TFCP2L1: variants seen among roughly 807,000 people sequenced by gnomAD.
TFCP2L1 encodes transcription factor CP2 like 1.
A neutral mutation model predicts 72.2 loss-of-function variants in TFCP2L1; 12 were observed. The observed-to-expected ratio is 0.17, with a 90% CI of 0.11 to 0.27. TFCP2L1 has a LOEUF of 0.27. Ranked by LOEUF, TFCP2L1 falls within the 10% of genes least tolerant of loss-of-function variation. TFCP2L1 has a pLI of 1.00. For missense variants in TFCP2L1, 488 were observed against 624.6 expected (o/e 0.78, Z 2.33); for synonymous variants, 260 against 251.0 (o/e 1.04, Z -0.34).
chr2:121,269,907 T>TCAAAAAAAAAAAA lies in TFCP2L1; in HGVS notation c.214+11212_214+11213insTTTTTTTTTTTTG, dbSNP rs750107740. On this transcript the variant is annotated intron_variant, in intron 2 of 14. Coordinates refer to ENST00000263707, the MANE Select transcript of TFCP2L1 (RefSeq NM_014553.3). The stretch of plus-strand genomic sequence containing the variant: ...CTGGGTGACAGAGCAAGACTCCATC[T>TCAAAAAAAAAAAA]AAAAAAAAAAAATATATATATATAT... Among the ~76,000 whole-genome samples the TCAAAAAAAAAAAA allele has an allele frequency of 2.5e-3, 195 of 77,096 alleles. 4 individuals carry two copies. Among genetic ancestry groups the TCAAAAAAAAAAAA allele is most frequent in the African/African-American group, 8.4e-3 (122 of 14,600 alleles). The allele number at this position is 77,096 out of a possible 152,430, so 50.6% of individuals were successfully genotyped here. A position where few individuals can be genotyped will look rare whatever the true frequency, so the allele number is the denominator to read the frequency against.
chr2:121,262,486 T>C (rs1056314303), intron 2 of TFCP2L1, among the ~76,000 whole-genome samples: 13 of 151,716 alleles, frequency 8.6e-5, no homozygotes, highest in African/African-American at 3.1e-4. Flanking sequence ...CAAAATAAAA[T>C]AATAATAAAG....
At chr2:121,271,104 C>T (rs1573393702) in intron 2 of TFCP2L1, among the ~76,000 whole-genome samples, 3 of 150,300 alleles carry the variant, frequency 2.0e-5, no homozygotes, top group African/African-American at 4.9e-5. Context: ...GCAGGAGAAT[C>T]GCTTGAACCT....
rs891739618 is a variant in TFCP2L1 at position 121,280,582 on chromosome 2, AC to A, written c.214+537del. 9.2e-5 allele frequency among the ~76,000 whole-genome samples: 14 copies of A among 151,396 alleles called. No individual in the cohort carries two copies. In the South Asian group the frequency reaches 2.5e-3, roughly 27 times the overall value. On this transcript the variant is annotated intron_variant, in intron 2 of 14. Transcript: ENST00000263707. ...AGACCAGCCTGGGCAACATAGTGAG[AC>A]CCCCCCAGCTCTACAAAAAATTTAA...
intron 2 of TFCP2L1, among the ~76,000 whole-genome samples, chr2:121,259,370 G>A (rs2953080): frequency 0.47 from 71,852 of 151,688 alleles, 19,012 homozygotes; most frequent in East Asian, 0.73. Context: ...TATCCATATC[G>A]ATAGCTATCC....
At chr2:121,236,881 G>A (rs1242485864) in intron 10 of TFCP2L1, among the ~76,000 whole-genome samples, 2 of 152,146 alleles carry the variant, frequency 1.3e-5, no homozygotes, top group East Asian at 1.9e-4. Context: ...CACAAGTCAC[G>A]CTGCACCGAA....
At chr2:121,266,218 G>A (rs1420471781) in intron 2 of TFCP2L1, among the ~76,000 whole-genome samples, 3 of 149,978 alleles carry the variant, frequency 2.0e-5, no homozygotes, top group Non-Finnish European at 4.4e-5. Flanking sequence ...CCTGAAACCC[G>A]ACTCAGGATC....
intron 6 of TFCP2L1, among the ~76,000 whole-genome samples, chr2:121,243,847 G>A (rs1686428888): frequency 6.6e-6 from 1 of 152,066 alleles, no homozygotes; most frequent in South Asian, 2.1e-4. Context: ...AATAATAACA[G>A]AAATAAAGTG....
intron 2 of TFCP2L1, among the ~76,000 whole-genome samples, chr2:121,268,691 G>C (rs1558743710): frequency 6.6e-6 from 1 of 151,622 alleles, no homozygotes; most frequent in Non-Finnish European, 1.5e-5. Context: ...TGGGAGCTGG[G>C]TACATCCAAC....
At chr2:121,282,003 G>A (rs1687273688) in intron 1 of TFCP2L1, among the ~76,000 whole-genome samples, 1 of 151,976 alleles carries the variant, frequency 6.6e-6, no homozygotes, top group Non-Finnish European at 1.5e-5. Context: ...CGTGATCTCG[G>A]CTCACTACAA....
intron 2 of TFCP2L1, among the ~76,000 whole-genome samples, chr2:121,268,182 C>A (rs886788607): frequency 6.6e-6 from 1 of 152,158 alleles, no homozygotes; most frequent in African/African-American, 2.4e-5. Context: ...ATTAGTTTAG[C>A]CTGAGATTCA....
intron 1 of TFCP2L1, 88 bp downstream of exon 1, chr2:121,284,960 G>A (rs1687337606): frequency 1.6e-6 from 2 of 1,222,594 alleles, no homozygotes; most frequent in African/African-American, 1.6e-5. Flanking sequence ...GGCCCAGCAG[G>A]GGCGCCCCCT....
chr2:121,281,671 C>T (rs1446651247), intron 1 of TFCP2L1, among the ~76,000 whole-genome samples: 2 of 152,132 alleles, frequency 1.3e-5, no homozygotes, highest in African/African-American at 4.8e-5. Flanking sequence ...AAAATCTAAA[C>T]AAACATTTTT....
Position 121,249,600 on chromosome 2 carries a change from A to C in TFCP2L1, c.262T>G (p.Phe88Val). Residue 88 changes from phenylalanine to valine, a missense_variant, in exon 3 of 15, where the codon TTT (phenylalanine) becomes GTT (valine). Transcript: ENST00000263707. ...ACATATTTTGTGTTCAGATCTTGAA[A>C]GTCTCCCAGCTTCCGATTCTCCAGT... is the stretch of plus-strand genomic sequence containing the variant. ...RLLENRKLGDFQDLNTKYVKS... is the reference protein window; with the variant it reads ...RLLENRKLGDVQDLNTKYVKS... The C allele has an allele frequency of 1.2e-6, 2 of 1,614,236 alleles. No individual in the cohort carries two copies. The highest frequency in any genetic ancestry group is 1.7e-6 in the Non-Finnish European group (2 of 1,180,044).
At chr2:121,272,382 G>A (rs910540506) in intron 2 of TFCP2L1, among the ~76,000 whole-genome samples, 3 of 152,160 alleles carry the variant, frequency 2.0e-5, no homozygotes, top group Non-Finnish European at 4.4e-5. Context: ...GATAGTTTAC[G>A]GCATTTAGGA....
intron 2 of TFCP2L1, among the ~76,000 whole-genome samples, chr2:121,256,249 C>T (rs1416758273): frequency 1.3e-5 from 2 of 152,258 alleles, no homozygotes; most frequent in Admixed American, 1.3e-4. Context: ...CCCTGAAACA[C>T]ATGTTGCCAT....
In TFCP2L1 at chr2:121,253,783, A is replaced by G. The variant is rs181608845; in HGVS notation, c.215-4136T>C. Among the ~76,000 whole-genome samples the G allele has an allele frequency of 1.8e-3, 278 of 152,260 alleles. 3 individuals are homozygous for G. The highest frequency in any genetic ancestry group is 0.015 in the Admixed American group (234 of 15,302). On this transcript the variant is annotated intron_variant, in intron 2 of 14. Coordinates refer to ENST00000263707, the MANE Select transcript of TFCP2L1 (RefSeq NM_014553.3). ...CTGGGCCAGGGATCACGGCTGCAGG[A>G]GCCTTCTCCATCAGCAGCAGGGTCC... is the stretch of plus-strand genomic sequence containing the variant.
intron 2 of TFCP2L1, among the ~76,000 whole-genome samples, chr2:121,278,331 C>T (rs190958331): frequency 4.0e-5 from 6 of 150,148 alleles, no homozygotes; most frequent in African/African-American, 1.2e-4. Context: ...CCACTGCGCC[C>T]GGCCCTTTTT....
intron 4 of TFCP2L1, 71 bp downstream of exon 4, chr2:121,248,911 C>G: frequency 7.9e-7 from 1 of 1,262,188 alleles, no homozygotes; most frequent in Non-Finnish European, 1.1e-6. Context: ...GTCCGGGTGG[C>G]ATCCAGGAAG....
chr2:121,248,926 CA>C (rs1250266417), intron 4 of TFCP2L1, 55 bp downstream of exon 4: 1 of 1,385,342 alleles, frequency 7.2e-7, no homozygotes, highest in Non-Finnish European at 9.7e-7. Context: ...AGGAAGAACC[CA>C]ATGTGGCCTG....
Sources: gnomAD v4.1 joint callset for allele counts (sites outside exome capture counted in the v4.1 genomes callset) on GRCh38, gnomAD v4.1.1 for gene constraint, MANE v1.5 for transcripts, NCBI Gene and HGNC (gene_info 2026-07-23, HGNC 2026-07-21) for gene names.